The following RELN variants were observed in gnomAD, a reference collection of about 807,000 sequenced individuals.
RELN encodes reelin.
RELN carries 108 observed loss-of-function variants against 427.6 expected under a neutral mutation model. That is an observed-to-expected ratio of 0.25 (90% CI 0.22 to 0.30). RELN has a LOEUF of 0.30. Ranked by LOEUF, RELN falls within the 10% of genes least tolerant of loss-of-function variation. The pLI is 1.00. For synonymous variants in RELN, 1,524 were observed against 1,513.4 expected (o/e 1.01, Z -0.16); for missense variants, 3,715 against 4,302.8 (o/e 0.86, Z 3.82).
intron 1 of RELN, among the ~76,000 whole-genome samples, chr7:103,948,990 C>G (rs1460512568): frequency 1.4e-5 from 2 of 142,352 alleles, no homozygotes; most frequent in South Asian, 2.2e-4. Context: ...CCACTGTACT[C>G]CAGCCTGGGT....
chr7:103,680,573 T>C (rs964727884), intron 11 of RELN, among the ~76,000 whole-genome samples: 4 of 151,730 alleles, frequency 2.6e-5, no homozygotes, highest in East Asian at 3.9e-4. Context: ...CTCCAGAAGA[T>C]AGGTAGAAAG....
intron 2 of RELN, among the ~76,000 whole-genome samples, chr7:103,860,123 T>C (rs1002940039): frequency 2.0e-5 from 3 of 152,202 alleles, no homozygotes; most frequent in African/African-American, 7.2e-5. Flanking sequence ...CAAATATCAA[T>C]GGAAATTCTT....
intron 28 of RELN, among the ~76,000 whole-genome samples, chr7:103,578,781 A>G (rs1036077148): frequency 2.0e-5 from 3 of 152,220 alleles, no homozygotes; most frequent in African/African-American, 7.2e-5. Context: ...GTATGTCTCA[A>G]TTCTATACTT....
At position 103,535,425 on chromosome 7, in the gene RELN, A is replaced by G; in HGVS notation, c.7240T>C (p.Cys2414Arg). 1 of 1,613,904 alleles carries G rather than the reference A, an allele frequency of 6.2e-7. No homozygotes were observed. Among genetic ancestry groups the G allele is most frequent in the South Asian group, 1.1e-5 (1 of 91,078 alleles). ...GLSWHPLVRD[C>R]LPTNVECSRY... Reference sequence around the variant, plus strand: ...CTGCATTCCACATTGGTAGGCAGACAGTCCCTTACCAATGGGTGCCATGAC... The same window carrying G: ...CTGCATTCCACATTGGTAGGCAGACGGTCCCTTACCAATGGGTGCCATGAC... The change falls in exon 46 of 65, where the codon TGT (cysteine) becomes CGT (arginine). Residue 2414 changes from cysteine (C) to arginine (R), a missense_variant. By Grantham distance (180) the Cys-to-Arg change is radical. Transcript: ENST00000428762.
At chr7:103,767,586 G>C (rs1443946028) in intron 4 of RELN, among the ~76,000 whole-genome samples, 1 of 152,042 alleles carries the variant, frequency 6.6e-6, no homozygotes, top group Non-Finnish European at 1.5e-5. Context: ...AGATGTATTA[G>C]GTCTGCAGCT....
At chr7:103,920,908 C>T (rs1370804264) in intron 1 of RELN, among the ~76,000 whole-genome samples, 1 of 152,054 alleles carries the variant, frequency 6.6e-6, no homozygotes, top group Admixed American at 6.6e-5. Flanking sequence ...TTTTAGAAAA[C>T]ATTTATATTA....
intron 3 of RELN, among the ~76,000 whole-genome samples, chr7:103,805,048 T>C (rs1217566142): frequency 6.6e-6 from 1 of 150,488 alleles, no homozygotes; most frequent in Non-Finnish European, 1.5e-5. Context: ...ATCAGGTATA[T>C]AATATATATT....
chr7:103,839,092 G>A (rs1793485728), intron 2 of RELN, among the ~76,000 whole-genome samples: 1 of 152,144 alleles, frequency 6.6e-6, no homozygotes, highest in Non-Finnish European at 1.5e-5. Context: ...TTAGTAAAAT[G>A]TGTAAAATTC....
intron 8 of RELN, among the ~76,000 whole-genome samples, chr7:103,706,888 T>G (rs1834214026): frequency 6.6e-6 from 1 of 152,202 alleles, no homozygotes; most frequent in Non-Finnish European, 1.5e-5. Flanking sequence ...TCATGTGTAC[T>G]TGGGCATCAC....
In RELN at chr7:103,972,249, T is replaced by C. The variant is rs1008754748; in HGVS notation, c.226+16882A>G. Reference sequence around the variant, plus strand: ...GGCATGGAAAGATGCTGAACACATATAGCTGAGTGAGAAAAGCTGACTGTG... The same window carrying C: ...GGCATGGAAAGATGCTGAACACATACAGCTGAGTGAGAAAAGCTGACTGTG... On this transcript the variant is annotated intron_variant, in intron 1 of 64. Coordinates refer to ENST00000428762, the MANE Select transcript of RELN (RefSeq NM_005045.4). Among the ~76,000 whole-genome samples, 4 of 152,328 alleles carry C rather than the reference T, an allele frequency of 2.6e-5. No homozygotes were observed. In the East Asian group the frequency reaches 5.8e-4, roughly 22 times the overall value.
rs1477758133 is a variant in RELN at position 103,654,127 on chromosome 7, A to T, written c.1520T>A (p.Ile507Lys). 1 of 1,603,344 alleles carries T rather than the reference A, an allele frequency of 6.2e-7. No individual in the cohort carries two copies. ...GGAATAGGAAAGGGTATCCAGTGTT[A>T]TATGCTCTTTTCTTCCTTCAATTTT... is the stretch of plus-strand genomic sequence containing the variant. ...YAKIEGRKEH[I>K]TLDTLSYSSY... Residue 507 changes from isoleucine (I) to lysine (K), a missense_variant, in exon 13 of 65, where the codon ATA (isoleucine) becomes AAA (lysine). Ile to Lys is a moderately radical substitution (Grantham distance 102). Around this residue, in one of 4 missense-constraint regions of RELN, gnomAD observed 2,208 missense variants for 2,361.7 expected, o/e 0.93. Coordinates refer to ENST00000428762, the MANE Select transcript of RELN (RefSeq NM_005045.4).
At chr7:103,630,676 G>A (rs362696) in intron 19 of RELN, among the ~76,000 whole-genome samples, 188 of 152,230 alleles carry the variant, frequency 1.2e-3, no homozygotes, top group African/African-American at 4.4e-3. Context: ...AATTGCCACT[G>A]CAATGACACC....
chr7:103,915,162 C>G (rs1795456528), intron 2 of RELN, among the ~76,000 whole-genome samples: 1 of 152,124 alleles, frequency 6.6e-6, no homozygotes, highest in African/African-American at 2.4e-5. Flanking sequence ...TTTGCACCTG[C>G]TGTTCTTTCC....
intron 10 of RELN, among the ~76,000 whole-genome samples, chr7:103,684,455 T>C (rs1003673210): frequency 3.3e-5 from 5 of 152,166 alleles, no homozygotes; most frequent in Middle Eastern, 3.2e-3. Flanking sequence ...TGGTTAGGCA[T>C]TGCTTGAGCT....
chr7:103,635,047 G>C (rs185499603), intron 19 of RELN, among the ~76,000 whole-genome samples: 1 of 151,966 alleles, frequency 6.6e-6, no homozygotes, highest in African/African-American at 2.4e-5. Context: ...TTTTAGTAGA[G>C]ACAGGGTTTC....
At chr7:103,661,008 T>G (rs727531) in intron 12 of RELN, among the ~76,000 whole-genome samples, 45,392 of 152,092 alleles carry the variant, frequency 0.3, 6,936 homozygotes, top group South Asian at 0.38. Context: ...GAGATATTCA[T>G]GAAAACAAAG....
At chr7:103,899,581 A>G (rs1399203042) in intron 2 of RELN, among the ~76,000 whole-genome samples, 1 of 152,136 alleles carries the variant, frequency 6.6e-6, no homozygotes, top group Non-Finnish European at 1.5e-5. Flanking sequence ...GCACATCAAA[A>G]AGCTTATCCA....
chr7:103,896,733 T>C (rs975087472), intron 2 of RELN, among the ~76,000 whole-genome samples: 1 of 152,110 alleles, frequency 6.6e-6, no homozygotes, highest in African/African-American at 2.4e-5. Context: ...GTGCATATCA[T>C]TGGATACAAA....
chr7:103,737,944 T>C (rs891618751), intron 6 of RELN, among the ~76,000 whole-genome samples: 10 of 152,056 alleles, frequency 6.6e-5, no homozygotes, highest in Non-Finnish European at 1.2e-4. Context: ...AACAACTTTA[T>C]TTGTGGCTTT....
Sources: gnomAD v4.1 joint callset for allele counts (sites outside exome capture counted in the v4.1 genomes callset) on GRCh38, gnomAD v4.1.1 for gene constraint, gnomAD v4.1.1 regional missense constraint, MANE v1.5 for transcripts, NCBI Gene and HGNC (gene_info 2026-07-23, HGNC 2026-07-21) for gene names.